The following CSMD1 variants were observed in gnomAD, a reference collection of about 807,000 sequenced individuals.
The protein encoded by CSMD1 is CUB and sushi domain-containing protein 1.
Under a neutral mutation model 417.5 loss-of-function variants are expected in CSMD1, and 213 were observed. The observed-to-expected ratio is 0.51, with a 90% CI of 0.46 to 0.57. CSMD1 has a LOEUF of 0.57. Ranked by LOEUF, CSMD1 falls within the 20% of genes least tolerant of loss-of-function variation. The pLI is 0.00. For missense variants in CSMD1, 6,923 were observed against 4,529.7 expected (o/e 1.53, Z -15.17); for synonymous variants, 2,862 against 1,736.8 (o/e 1.65, Z -16.11).
intron 7 of CSMD1, among the ~76,000 whole-genome samples, chr8:3,696,742 T>C (rs1259378543): frequency 6.6e-6 from 1 of 152,234 alleles, no homozygotes; most frequent in Non-Finnish European, 1.5e-5. Context: ...GATCAAGTTA[T>C]AAACTAGATG....
chr8:3,464,608 T>C lies in CSMD1; in HGVS notation c.1561+4104A>G, dbSNP rs144778808. 7.2e-3 allele frequency among the ~76,000 whole-genome samples: 1,086 copies of C among 149,840 alleles called. 14 individuals are homozygous for C. The highest frequency in any genetic ancestry group is 0.025 in the African/African-American group (1,021 of 41,156). The stretch of plus-strand genomic sequence containing the variant: ...TATAAATAAATGATTTTTAAGTATA[T>C]AAATTATACAATTATATATAGGTAG... On this transcript the variant is annotated intron_variant, in intron 12 of 69. Transcript: ENST00000635120.
At chr8:2,993,814 C>G (rs1028028476) in intron 54 of CSMD1, among the ~76,000 whole-genome samples, 1 of 151,922 alleles carries the variant, frequency 6.6e-6, no homozygotes, top group Admixed American at 6.6e-5. Flanking sequence ...TGGAGTTACT[C>G]CCCTGCATTG....
At chr8:4,533,718 A>G (rs896645301) in intron 2 of CSMD1, among the ~76,000 whole-genome samples, 3 of 152,108 alleles carry the variant, frequency 2.0e-5, no homozygotes, top group Admixed American at 1.3e-4. Context: ...CACAGAGAGA[A>G]AAACCTAAAA....
chr8:3,757,253 A>G (rs1041121836), intron 5 of CSMD1, among the ~76,000 whole-genome samples: 4 of 152,134 alleles, frequency 2.6e-5, no homozygotes, highest in Admixed American at 2.6e-4. Flanking sequence ...AGTCAACAGG[A>G]TATTTCTGTA....
chr8:4,105,685 A>T (rs1468394178), intron 3 of CSMD1, among the ~76,000 whole-genome samples: 1 of 152,218 alleles, frequency 6.6e-6, no homozygotes, highest in East Asian at 1.9e-4. Context: ...TTTACCTGTC[A>T]TATTAGCCTA....
chr8:4,808,988 G>C (rs1798744445), intron 1 of CSMD1, among the ~76,000 whole-genome samples: 1 of 152,156 alleles, frequency 6.6e-6, no homozygotes, highest in Non-Finnish European at 1.5e-5. Context: ...TAAAATTGGA[G>C]GACATTTTGC....
chr8:3,203,289 A>T (rs1212012825), intron 31 of CSMD1, among the ~76,000 whole-genome samples: 44 of 152,280 alleles, frequency 2.9e-4, no homozygotes, highest in Non-Finnish European at 1.0e-4. Context: ...GTCTTCCTTG[A>T]GGAACCTCCT....
intron 1 of CSMD1, among the ~76,000 whole-genome samples, chr8:4,693,701 C>T (rs759287556): frequency 2.0e-5 from 3 of 150,258 alleles, no homozygotes; most frequent in Admixed American, 6.7e-5. Context: ...GGTCTCCCTA[C>T]GCTTCCCAGG....
chr8:4,400,373 A>T (rs1466590063), intron 3 of CSMD1, among the ~76,000 whole-genome samples: 1 of 152,232 alleles, frequency 6.6e-6, no homozygotes, highest in African/African-American at 2.4e-5. Context: ...AATGCTTTTC[A>T]TTTATATATC....
intron 17 of CSMD1, among the ~76,000 whole-genome samples, chr8:3,393,872 G>C (rs368620431): frequency 1.3e-5 from 2 of 151,052 alleles, no homozygotes; most frequent in East Asian, 3.9e-4. Flanking sequence ...ATAGCATTAG[G>C]AGATATACCT....
At chr8:3,117,339 T>C (rs971928481) in intron 42 of CSMD1, among the ~76,000 whole-genome samples, 1 of 152,080 alleles carries the variant, frequency 6.6e-6, no homozygotes, top group African/African-American at 2.4e-5. Context: ...CCAAAGTGTG[T>C]TTGTAGTTAT....
intron 1 of CSMD1, among the ~76,000 whole-genome samples, chr8:4,722,224 G>A (rs1809105261): frequency 1.3e-5 from 2 of 151,960 alleles, no homozygotes; most frequent in Non-Finnish European, 2.9e-5. Flanking sequence ...ATATTGCTTT[G>A]CTTGAGTACA....
intron 23 of CSMD1, among the ~76,000 whole-genome samples, chr8:3,310,742 G>T (rs17320243): frequency 6.6e-6 from 1 of 151,516 alleles, no homozygotes; most frequent in East Asian, 1.9e-4. Context: ...GGTCCTGTCC[G>T]TGAAGAACAA....
At chr8:3,335,449 G>A (rs137929392) in intron 23 of CSMD1, among the ~76,000 whole-genome samples, 1,718 of 152,232 alleles carry the variant, frequency 0.011, 36 homozygotes, top group African/African-American at 0.039. Context: ...AGGCCAAGGC[G>A]GGTGGATCAT....
chr8:4,140,785 G>A, intron 3 of CSMD1, among the ~76,000 whole-genome samples: 1 of 150,902 alleles, frequency 6.6e-6, no homozygotes, highest in East Asian at 1.9e-4. Context: ...CTCCCCTAGG[G>A]TGGTTTTGAT....
In CSMD1 at chr8:4,143,822, G is replaced by A. The variant is rs80181859; in HGVS notation, c.416-111723C>T. On this transcript the variant is annotated intron_variant, in intron 3 of 69. Transcript: ENST00000635120. ...AGCTGTTCCAGGGCCTAGTTACACA[G>A]TTTTCTGGGATTTAAGTACTTATTT... Among the ~76,000 whole-genome samples, 26 of 151,338 alleles carry A rather than the reference G, an allele frequency of 1.7e-4. No homozygotes were observed. The East Asian group carries it at 5.0e-3, about 29-fold the overall frequency.
chr8:4,707,886 C>CAAA (rs552510236), intron 1 of CSMD1, among the ~76,000 whole-genome samples: 236 of 100,760 alleles, frequency 2.3e-3, no homozygotes, highest in Non-Finnish European at 3.6e-3. Flanking sequence ...GACTTTGTTT[C>CAAA]AAAAAAAAAA....
At chr8:4,669,994 T>C (rs1041390313) in intron 1 of CSMD1, among the ~76,000 whole-genome samples, 14 of 152,254 alleles carry the variant, frequency 9.2e-5, no homozygotes, top group Non-Finnish European at 1.9e-4. Flanking sequence ...CTATTAACAC[T>C]AGTGAAGTGT....
At chr8:4,624,551 G>T (rs1801985914) in intron 2 of CSMD1, among the ~76,000 whole-genome samples, 1 of 152,112 alleles carries the variant, frequency 6.6e-6, no homozygotes, top group Non-Finnish European at 1.5e-5. Context: ...AACCGGAGGG[G>T]ATTTCACATA....
Sources: allele counts gnomAD v4.1 joint callset (sites outside exome capture counted in the v4.1 genomes callset), GRCh38; gene constraint gnomAD v4.1.1; transcripts MANE v1.5; gene names NCBI Gene and HGNC (gene_info 2026-07-23, HGNC 2026-07-21).